The following GRM1 variants were observed in gnomAD, a reference collection of about 807,000 sequenced individuals.
GRM1 encodes the protein glutamate metabotropic receptor 1, also known as metabotropic glutamate receptor 1.
In GRM1, 33 loss-of-function variants were observed where a neutral mutation model predicts 90.9. The observed-to-expected ratio is 0.36, with a 90% CI of 0.28 to 0.49. The LOEUF (loss-of-function observed/expected upper bound fraction) is 0.49. Ranked by LOEUF, GRM1 falls within the 20% of genes least tolerant of loss-of-function variation. GRM1 has a pLI of 0.99. For synonymous variants in GRM1, 700 were observed against 613.2 expected (o/e 1.14, Z -2.09); for missense variants, 1,190 against 1,534.3 (o/e 0.78, Z 3.75).
intron 5 of GRM1, among the ~76,000 whole-genome samples, chr6:146,368,058 T>A (rs1042990618): frequency 1.3e-5 from 2 of 152,108 alleles, no homozygotes; most frequent in African/African-American, 4.8e-5. Context: ...TGTGTTATAG[T>A]TTTGATTGTA....
rs1329187399 is a variant in GRM1, at chr6:146,142,912, C to T, written c.701-16436C>T. Among the ~76,000 whole-genome samples the T allele has an allele frequency of 2.6e-5, 4 of 152,184 alleles. No homozygotes were observed. In the South Asian group the frequency reaches 8.3e-4, roughly 32 times the overall value. On this transcript the variant is annotated intron_variant, in intron 1 of 7. Transcript: ENST00000282753. ...CACTGTGGCCAAGCTGGTACTTAGGCTGCAACACAATGTCCTCTTCACTTT... is the reference window on the plus strand; with the variant it reads ...CACTGTGGCCAAGCTGGTACTTAGGTTGCAACACAATGTCCTCTTCACTTT...
At chr6:146,312,067 T>A (rs568260656) in intron 3 of GRM1, among the ~76,000 whole-genome samples, 1 of 151,990 alleles carries the variant, frequency 6.6e-6, no homozygotes. Context: ...TTAGGCCTGG[T>A]GCGGTGGCTC....
At chr6:146,319,862 G>T (rs563859760) in intron 3 of GRM1, among the ~76,000 whole-genome samples, 1 of 152,288 alleles carries the variant, frequency 6.6e-6, no homozygotes, top group Non-Finnish European at 1.5e-5. Flanking sequence ...AGGAGTTTTT[G>T]GGCTGAGTCG....
intron 5 of GRM1, among the ~76,000 whole-genome samples, chr6:146,361,133 T>C (rs573673950): frequency 6.6e-6 from 1 of 152,300 alleles, no homozygotes; most frequent in South Asian, 2.1e-4. Flanking sequence ...GAAAGCAATG[T>C]GAGGAGTGAG....
intron 1 of GRM1, among the ~76,000 whole-genome samples, chr6:146,148,481 G>T (rs540714376): frequency 6.6e-6 from 1 of 152,056 alleles, no homozygotes; most frequent in African/African-American, 2.4e-5. Context: ...CCCTGACATT[G>T]AGTACAATTT....
At chr6:146,097,054 G>C (rs570577280) in intron 1 of GRM1, among the ~76,000 whole-genome samples, 1 of 152,210 alleles carries the variant, frequency 6.6e-6, no homozygotes, top group East Asian at 1.9e-4. Flanking sequence ...GGGTTAAAAA[G>C]TGGTTCTGCT....
intron 2 of GRM1, among the ~76,000 whole-genome samples, chr6:146,244,724 G>A (rs1780995434): frequency 6.6e-6 from 1 of 152,262 alleles, no homozygotes; most frequent in Middle Eastern, 3.4e-3. Flanking sequence ...CAAACTCCTT[G>A]CTAGGTTGGA....
At chr6:146,368,652 T>G (rs1775789619) in intron 5 of GRM1, among the ~76,000 whole-genome samples, 1 of 151,980 alleles carries the variant, frequency 6.6e-6, no homozygotes, top group Admixed American at 6.6e-5. Flanking sequence ...TGTTCTTCAT[T>G]ATGTTGATGT....
chr6:146,346,473 T>G (rs1165354253), intron 3 of GRM1, among the ~76,000 whole-genome samples: 1 of 152,248 alleles, frequency 6.6e-6, no homozygotes, highest in Non-Finnish European at 1.5e-5. Flanking sequence ...TTTTCTATGA[T>G]GTCAGCAGAG....
intron 2 of GRM1, among the ~76,000 whole-genome samples, chr6:146,281,204 C>T (rs536518085): frequency 1.3e-5 from 2 of 152,222 alleles, no homozygotes; most frequent in Non-Finnish European, 2.9e-5. Context: ...TTGCTAATTT[C>T]ATTATAAACC....
intron 1 of GRM1, among the ~76,000 whole-genome samples, chr6:146,048,707 A>G (rs2128846645): frequency 6.6e-6 from 1 of 152,144 alleles, no homozygotes; most frequent in East Asian, 1.9e-4. Context: ...AGAAATTTGG[A>G]TACAAAAAAA....
At chr6:146,303,820 T>C (rs1443895757) in intron 2 of GRM1, among the ~76,000 whole-genome samples, 1 of 152,210 alleles carries the variant, frequency 6.6e-6, no homozygotes, top group Non-Finnish European at 1.5e-5. Flanking sequence ...TTTAGCTTTG[T>C]CTGGTGGAAT....
intron 2 of GRM1, among the ~76,000 whole-genome samples, chr6:146,299,534 A>T (rs1783300668): frequency 1.3e-5 from 2 of 152,220 alleles, no homozygotes; most frequent in African/African-American, 4.8e-5. Flanking sequence ...CCTTCTTAAT[A>T]CATTATCCAA....
At chr6:146,309,761 T>A (rs1783712983) in intron 3 of GRM1, among the ~76,000 whole-genome samples, 1 of 152,220 alleles carries the variant, frequency 6.6e-6, no homozygotes, top group South Asian at 2.1e-4. Context: ...TTGTTACTGT[T>A]TTGGGATTGT....
chr6:146,059,605 G>A (rs540907613), intron 1 of GRM1, among the ~76,000 whole-genome samples: 2 of 152,188 alleles, frequency 1.3e-5, no homozygotes, highest in Non-Finnish European at 2.9e-5. Flanking sequence ...TGAAGCTTTG[G>A]AGCTAGCATC....
intron 2 of GRM1, among the ~76,000 whole-genome samples, chr6:146,256,062 ATACACT>A (rs1352946084): frequency 6.6e-6 from 1 of 152,134 alleles, no homozygotes; most frequent in Admixed American, 6.5e-5. Context: ...GAGGGGCGAG[ATACACT>A]TACATCTACT....
Position 146,436,298 on chromosome 6 carries a change from G to A in GRM1, c.*1502G>A, listed in dbSNP as rs549114846. On this transcript the variant is annotated 3_prime_UTR_variant, in exon 8 of 8. Transcript: ENST00000282753. Reference sequence around the variant, plus strand: ...TTATTTTTCAGATATTTTCTGATGTGGAGATATGTTATTAATGAAGTGGTT... The same window carrying A: ...TTATTTTTCAGATATTTTCTGATGTAGAGATATGTTATTAATGAAGTGGTT... 3.9e-5 allele frequency: 6 copies of A among 152,202 alleles called. No individual in the cohort carries two copies. The South Asian group carries it at 1.0e-3, about 26-fold the overall frequency. The allele number at this position is 152,202 out of a possible 1,614,324, so 9.4% of individuals were successfully genotyped here.
At chr6:146,193,771 G>T (rs1422482424) in intron 2 of GRM1, among the ~76,000 whole-genome samples, 1 of 151,838 alleles carries the variant, frequency 6.6e-6, no homozygotes, top group Non-Finnish European at 1.5e-5. Context: ...GCATTCTACT[G>T]TATTTTTAAC....
intron 1 of GRM1, among the ~76,000 whole-genome samples, chr6:146,132,603 T>C (rs576998677): frequency 6.6e-6 from 1 of 152,340 alleles, no homozygotes; most frequent in South Asian, 2.1e-4. Context: ...TGAAAAGATC[T>C]GTAATTTACT....
Sources: gnomAD v4.1 joint callset for allele counts (sites outside exome capture counted in the v4.1 genomes callset) on GRCh38, gnomAD v4.1.1 for gene constraint, MANE v1.5 for transcripts, NCBI Gene and HGNC (gene_info 2026-07-23, HGNC 2026-07-21) for gene names.